Variants in ITPK1 observed in about 807,000 individuals in gnomAD.
ITPK1 encodes inositol 1,3,4-trisphosphate 5/6-kinase.
Under a neutral mutation model 45.3 loss-of-function variants are expected in ITPK1, and 21 were observed. The observed-to-expected ratio is 0.46, with a 90% CI of 0.33 to 0.67. The LOEUF (loss-of-function observed/expected upper bound fraction) is 0.67. Ranked by LOEUF, ITPK1 falls within the 30% of genes least tolerant of loss-of-function variation. The probability of loss-of-function intolerance (pLI) is 0.02; values close to 1 mark genes in which losing one functional copy is unlikely to be tolerated. For synonymous variants in ITPK1, 258 were observed against 253.6 expected, an observed-to-expected ratio of 1.02 and a Z score of -0.16; for missense variants, 474 against 573.5, an observed-to-expected ratio of 0.83 and a Z score of 1.77.
chr14:93,079,033 C>T (rs1390257965), intron 2 of ITPK1, among the ~76,000 whole-genome samples: 2 of 152,178 alleles, frequency 1.3e-5, no homozygotes, highest in Admixed American at 6.5e-5. Context: ...CTGCTGGCAT[C>T]TGGGTTATCC....
At chr14:92,952,232 A>T (rs1438590259) in intron 8 of ITPK1, among the ~76,000 whole-genome samples, 1 of 152,146 alleles carries the variant, frequency 6.6e-6, no homozygotes, top group Non-Finnish European at 1.5e-5. Flanking sequence ...AAAGTAACCG[A>T]TGTAATGAGC....
intron 9 of ITPK1, among the ~76,000 whole-genome samples, chr14:92,951,079 G>A (rs1309282599): frequency 1.3e-5 from 2 of 152,248 alleles, no homozygotes; most frequent in Non-Finnish European, 1.5e-5. Context: ...TGGTTCGTTG[G>A]AGAGGCCAGC....
chr14:93,052,017 A>T (rs2139931795), intron 3 of ITPK1, among the ~76,000 whole-genome samples: 1 of 152,340 alleles, frequency 6.6e-6, no homozygotes, highest in East Asian at 1.9e-4. Context: ...AGCTTGCACC[A>T]GGGGAGCGCC....
intron 2 of ITPK1, among the ~76,000 whole-genome samples, chr14:93,096,853 A>G (rs1242098443): frequency 3.9e-5 from 6 of 152,144 alleles, no homozygotes; most frequent in South Asian, 2.1e-4. Flanking sequence ...ACCAGGCCCC[A>G]ATCCAGGAAC....
chr14:92,990,970 T>A (rs1169526576), intron 5 of ITPK1, among the ~76,000 whole-genome samples: 1 of 151,754 alleles, frequency 6.6e-6, no homozygotes, highest in African/African-American at 2.4e-5. Flanking sequence ...CCTGCAGCTG[T>A]CCAGAGTCTC....
chr14:92,979,670 A>G (rs569245801), intron 5 of ITPK1, among the ~76,000 whole-genome samples: 1 of 151,950 alleles, frequency 6.6e-6, no homozygotes, highest in South Asian at 2.1e-4. Flanking sequence ...AGACATGCCT[A>G]CTTCCCCTTT....
Position 93,014,359 on chromosome 14 carries a change from G to T in ITPK1, c.246+2317C>A, listed in dbSNP as rs914113283. Reference sequence around the variant, plus strand: ...TGGACATCACTTGCCTGGGCTGTGGGCTGTGTGTGTGTCTGGGAAGTGGGC... The same window carrying T: ...TGGACATCACTTGCCTGGGCTGTGGTCTGTGTGTGTGTCTGGGAAGTGGGC... On this transcript the variant is annotated intron_variant, in intron 4 of 10. Transcript: ENST00000267615. This position sits in a 1 kb window ranked among gnomAD's most constrained non-coding sequence, Gnocchi z 4.4. Among the ~76,000 whole-genome samples, 1 of 152,196 alleles carries T rather than the reference G, an allele frequency of 6.6e-6. No individual in the cohort carries two copies.
chr14:92,994,095 C>T (rs1405435666), intron 4 of ITPK1, 98 bp from the exon 5 acceptor site: 2 of 754,510 alleles, frequency 2.7e-6, no homozygotes, highest in African/African-American at 1.7e-5. Context: ...CCTGTCCTAT[C>T]CTCCAGCCCT....
rs113711400 is a variant in ITPK1 at position 92,957,643 on chromosome 14, C to T, written c.670+558G>A. On this transcript the variant is annotated intron_variant, in intron 8 of 10. Transcript: ENST00000267615. ...GACCACCGTCCACTGACTCAAAACA[C>T]GCTCACTGGCACGGTAGGAGTCCTG... is the stretch of plus-strand genomic sequence containing the variant. Among the ~76,000 whole-genome samples, 493 of 152,350 alleles carry T rather than the reference C, an allele frequency of 3.2e-3. 5 individuals are homozygous for T. The highest frequency in any genetic ancestry group is 0.012 in the African/African-American group (480 of 41,588).
intron 4 of ITPK1, among the ~76,000 whole-genome samples, chr14:93,000,244 C>T (rs572446665): frequency 3.9e-5 from 6 of 152,310 alleles, no homozygotes; most frequent in Admixed American, 2.6e-4. Flanking sequence ...TACGTTTTCA[C>T]TTCTCTTGGG....
chr14:93,016,862 T>C lies in ITPK1; in HGVS notation c.121-61A>G, dbSNP rs369801737. 1.2e-5 allele frequency: 19 copies of C among 1,596,662 alleles called. 1 individual carries two copies. In the African/African-American group the frequency reaches 2.1e-4, roughly 18 times the overall value. ...TCAGCACCTGAGTCCACTGCCCCCA[T>C]CCTCTTGTCCACCCTGGGGCATATC... is the stretch of plus-strand genomic sequence containing the variant. On this transcript the variant is annotated intron_variant, in intron 3 of 10. Transcript: ENST00000267615. This position sits in a 1 kb window ranked among gnomAD's most constrained non-coding sequence, Gnocchi z 5.0.
At chr14:93,082,571 G>A (rs1402905321) in intron 2 of ITPK1, among the ~76,000 whole-genome samples, 1 of 152,232 alleles carries the variant, frequency 6.6e-6, no homozygotes, top group Non-Finnish European at 1.5e-5. Context: ...AGGGATGGGG[G>A]TCTTGTGACC....
chr14:93,101,273 G>A (rs8021497), intron 2 of ITPK1, among the ~76,000 whole-genome samples: 40,451 of 152,054 alleles, frequency 0.27, 6,190 homozygotes, highest in African/African-American at 0.43. Context: ...ACCCTTACAC[G>A]CAAAGGCCTC....
intron 7 of ITPK1, 68 bp downstream of exon 7, chr14:92,962,287 T>A (rs1206718603): frequency 2.6e-6 from 3 of 1,143,348 alleles, no homozygotes; most frequent in African/African-American, 1.5e-5. Context: ...TCCGGCAGGG[T>A]AGCAGTGAGA....
intron 4 of ITPK1, among the ~76,000 whole-genome samples, chr14:93,000,254 G>T (rs924276123): frequency 6.6e-6 from 1 of 152,108 alleles, no homozygotes. Flanking sequence ...CTTCTCTTGG[G>T]TGTATAAATT....
chr14:92,993,839 G>A, intron 5 of ITPK1, 41 bp downstream of exon 5: 1 of 1,334,972 alleles, frequency 7.5e-7, no homozygotes, highest in East Asian at 2.3e-5. Context: ...GACCACAAAG[G>A]TGGCTGCCTG....
At chr14:92,985,972 T>C (rs60140952) in intron 5 of ITPK1, among the ~76,000 whole-genome samples, 42,597 of 152,042 alleles carry the variant, frequency 0.28, 6,453 homozygotes, top group East Asian at 0.54. Flanking sequence ...GCTGGGTGTT[T>C]AGGAGAGGAT....
chr14:93,023,869 GC>G (rs1888593454), intron 3 of ITPK1, among the ~76,000 whole-genome samples: 1 of 152,096 alleles, frequency 6.6e-6, no homozygotes, highest in African/African-American at 2.4e-5. Context: ...CCCTCAACCT[GC>G]CAGATGAGTC....
intron 2 of ITPK1, among the ~76,000 whole-genome samples, chr14:93,107,952 T>C (rs1043569783): frequency 6.6e-6 from 1 of 152,198 alleles, no homozygotes; most frequent in Non-Finnish European, 1.5e-5. Context: ...ATACACACCG[T>C]GGGCCGCAGC....
Sources: allele counts gnomAD v4.1 joint callset (sites outside exome capture counted in the v4.1 genomes callset), GRCh38; gene constraint gnomAD v4.1.1; non-coding constraint Gnocchi (gnomAD v3.1); transcripts MANE v1.5; gene names NCBI Gene and HGNC (gene_info 2026-07-23, HGNC 2026-07-21).